Variants in ATG2A observed in about 807,000 individuals in gnomAD.
The protein encoded by ATG2A is autophagy related 2A.
ATG2A carries 103 observed loss-of-function variants against 214.2 expected under a neutral mutation model. That is an observed-to-expected ratio of 0.48 (90% confidence interval 0.41 to 0.57). The LOEUF is 0.57. Among genes scored for constraint, ATG2A ranks in the 20% least tolerant of loss-of-function variants. The pLI, the probability that ATG2A is intolerant of heterozygous loss-of-function variation, is 0.00. For synonymous variants in ATG2A, 1,160 were observed against 1,142.1 expected (o/e 1.02, Z -0.32); for missense variants, 2,312 against 2,613.2 (o/e 0.88, Z 2.51).
rs375562497 is a variant in ATG2A, at chr11:64,910,648, G to A, written c.1675C>T (p.Arg559Cys). Reference sequence around the variant, plus strand: ...ACACGGCGCAGGATCTGTGTGTGGCGCAGATGGGCGCAGGGCCGAGCTGAG... The same window carrying A: ...ACACGGCGCAGGATCTGTGTGTGGCACAGATGGGCGCAGGGCCGAGCTGAG... ...QASARPCAHL[R>C]HTQILRRVPK... The change falls in exon 12 of 41, where the codon CGC (arginine) becomes TGC (cysteine). Residue 559 changes from arginine (R) to cysteine (C), a missense_variant. Arg to Cys is a radical substitution (Grantham distance 180). Coordinates refer to ENST00000377264, the MANE Select transcript of ATG2A (RefSeq NM_015104.3). 26 of 1,607,906 alleles carry A rather than the reference G, an allele frequency of 1.6e-5. No homozygotes were observed. Among genetic ancestry groups the A allele is most frequent in the Non-Finnish European group, 1.9e-5 (22 of 1,177,590 alleles).
At chr11:64,904,929 C>T (rs912498326) in intron 24 of ATG2A, among the ~76,000 whole-genome samples, 2 of 152,210 alleles carry the variant, frequency 1.3e-5, no homozygotes, top group Admixed American at 6.5e-5. Context: ...AATCTTCGCT[C>T]ACCGTAACCT....
rs779988127 is a variant in ATG2A, at chr11:64,914,458, G to T, written c.214C>A (p.Leu72Met). 4 of 1,612,834 alleles carry T rather than the reference G, an allele frequency of 2.5e-6. No homozygotes were observed. The African/African-American group carries it at 5.3e-5, about 22-fold the overall frequency. ...ATGGAGCCCACGAAGCCTTCCACCAGCTCCAGCGGTGACTCCATTGACTCC... is the reference window on the plus strand; with the variant it reads ...ATGGAGCCCACGAAGCCTTCCACCATCTCCAGCGGTGACTCCATTGACTCC... ...VLESMESPLE[L>M]VEGFVGSIEV... The change falls in exon 2 of 41, where the codon CTG becomes ATG. Residue 72 changes from leucine (L) to methionine (M), a missense_variant. Coordinates refer to ENST00000377264, the MANE Select transcript of ATG2A (RefSeq NM_015104.3).
rs1446545867 is a variant in ATG2A at position 64,903,472 on chromosome 11, G to A, written c.3536-108C>T. 25 of 1,489,636 alleles carry A rather than the reference G, an allele frequency of 1.7e-5. No homozygotes were observed. Among genetic ancestry groups the A allele is most frequent in the Non-Finnish European group, 2.3e-5 (25 of 1,088,966 alleles). The allele number at this position is 1,489,636 out of a possible 1,614,324, so 92.3% of individuals were successfully genotyped here. On this transcript the variant is annotated intron_variant, in intron 25 of 40. Transcript: ENST00000377264. This position sits in a 1 kb window ranked among gnomAD's most constrained non-coding sequence, Gnocchi z 4.2. ...TCCAGGTGTAGTCCCTGCTGTGCGG[G>A]CTACGTGTGGGAGCTAAGGACCCGG...
chr11:64,902,525 G>A lies in ATG2A; in HGVS notation c.3768C>T (p.Ala1256=), dbSNP rs762023452. The change falls in exon 27 of 41, where the codon GCC becomes GCT. Residue 1256 remains alanine (A), a synonymous_variant. Transcript: ENST00000377264. The part of the protein sequence containing the change: ...PPRPPSPTEI[A]GQKLSESPAS... ...CAGGCCTCACCTGTACCTTCTGGCC[G>A]GCGATCTCCGTGGGGCTGGGGGGCC... 68 of 1,544,252 alleles carry A rather than the reference G, an allele frequency of 4.4e-5. No homozygotes were observed. Among genetic ancestry groups the A allele is most frequent in the Admixed American group, 9.8e-5 (5 of 50,980 alleles).
chr11:64,901,017 G>A lies in ATG2A; in HGVS notation c.4195C>T (p.Pro1399Ser), dbSNP rs1944334544. ...IVVRDGYFSR[P>S]IGSTDLLRAP... Reference sequence around the variant, plus strand: ...CGCAGCAAGTCCGTGCTGCCGATCGGCCGTGAGAAGTAACCGTCCCTCACA... The same window carrying A: ...CGCAGCAAGTCCGTGCTGCCGATCGACCGTGAGAAGTAACCGTCCCTCACA... Residue 1399 changes from proline (P) to serine (S), a missense_variant, in exon 30 of 41, where the codon CCG becomes TCG. By Grantham distance (74) the Pro-to-Ser change is moderately conservative. Transcript: ENST00000377264. 6.3e-7 allele frequency: 1 copy of A among 1,589,958 alleles called. No homozygotes were observed. The highest frequency in any genetic ancestry group is 8.6e-7 in the Non-Finnish European group (1 of 1,168,232).
In ATG2A at chr11:64,913,283, C is replaced by G. The variant is rs754705616; in HGVS notation, c.709G>C (p.Glu237Gln). Residue 237 changes from glutamate to glutamine, a missense_variant, in exon 5 of 41, where the codon GAG becomes CAG. By Grantham distance (29) the Glu-to-Gln change is conservative. Coordinates refer to ENST00000377264, the MANE Select transcript of ATG2A (RefSeq NM_015104.3). This position sits in a 1 kb window ranked among gnomAD's most constrained non-coding sequence, Gnocchi z 4.3. ...LQLAGVRLHY[E>Q]ELPAQEEPPE... ...CCGCTCACCTGTGCCGGGAGCTCCTCGTAGTGCAGGCGGACCCCTGCCAGC... is the reference window on the plus strand; with the variant it reads ...CCGCTCACCTGTGCCGGGAGCTCCTGGTAGTGCAGGCGGACCCCTGCCAGC... 1 of 1,611,096 alleles carries G rather than the reference C, an allele frequency of 6.2e-7. No homozygotes were observed. Among genetic ancestry groups the G allele is most frequent in the African/African-American group, 1.3e-5 (1 of 74,914 alleles).
chr11:64,909,910 C>T lies in ATG2A; in HGVS notation c.1878G>A (p.Pro626=), dbSNP rs370346680. The T allele has an allele frequency of 4.4e-5, 71 of 1,602,528 alleles. No individual in the cohort carries two copies. The highest frequency in any genetic ancestry group is 5.7e-5 in the Non-Finnish European group (67 of 1,175,004). The change falls in exon 14 of 41, where the codon CCG becomes CCA. Residue 626 remains proline (P), a synonymous_variant. Coordinates refer to ENST00000377264, the MANE Select transcript of ATG2A (RefSeq NM_015104.3). ...GAAATACCGTCTGCTGCTCCATCGC[C>T]GGCAGGGGCTCTGTCTGCAGGAGGA... The part of the protein sequence containing the change: ...PPAGLLTEPL[P]AMEQQTVFRL...
Position 64,896,766 on chromosome 11 carries a change from G to A in ATG2A, c.5254C>T (p.His1752Tyr). The A allele has an allele frequency of 6.2e-7, 1 of 1,614,234 alleles. No individual in the cohort carries two copies. The highest frequency in any genetic ancestry group is 8.5e-7 in the Non-Finnish European group (1 of 1,180,046). The change falls in exon 38 of 41, where the codon CAC becomes TAC. Residue 1752 changes from histidine to tyrosine, a missense_variant. Physicochemically the swap from His to Tyr is moderately conservative, Grantham distance 83. Coordinates refer to ENST00000377264, the MANE Select transcript of ATG2A (RefSeq NM_015104.3). ...CACTCACAGAGCTGGACAACCGAGT[G>A]CATGGGGCCCACGCCTCCCAGCAGG... The part of the protein sequence containing the change: ...PGLLGGVGPM[H>Y]SVVQLFQGFR...
At chr11:64,909,578 AG>A (rs2136615679) in intron 14 of ATG2A, 102 bp downstream of exon 14, 2 of 1,544,216 alleles carry the variant, frequency 1.3e-6, no homozygotes, top group East Asian at 4.5e-5. Context: ...GGCCTGGGCC[AG>A]GGACTGCTCG....
In ATG2A at chr11:64,896,525, G is replaced by T. The variant is rs1354613684; in HGVS notation, c.5364C>A (p.Ser1788=). 6.2e-7 allele frequency: 1 copy of T among 1,613,994 alleles called. No individual in the cohort carries two copies. The highest frequency in any genetic ancestry group is 2.2e-5 in the East Asian group (1 of 44,886). ...CGGCAGAGGCTGTGGATGAGCCAAAGGAGGCAGCCCCTCGCTGCAGCCCCC... is the reference window on the plus strand; with the variant it reads ...CGGCAGAGGCTGTGGATGAGCCAAATGAGGCAGCCCCTCGCTGCAGCCCCC... ...LMRGLQRGAA[S]FGSSTASAAL... Residue 1788 remains serine, a synonymous_variant, in exon 39 of 41, where the codon TCC becomes TCA. Transcript: ENST00000377264.
chr11:64,894,650 C>CA lies in ATG2A; in HGVS notation c.*322dup. 1 of 636,712 alleles carries CA rather than the reference C, an allele frequency of 1.6e-6. No individual in the cohort carries two copies. Among genetic ancestry groups the CA allele is most frequent in the South Asian group, 1.5e-5 (1 of 66,210 alleles). The allele number at this position is 636,712 out of a possible 1,614,324, so 39.4% of individuals were successfully genotyped here. A position where few individuals can be genotyped will look rare whatever the true frequency, so the allele number is the denominator to read the frequency against. ...CACGGATATCATCCCCTCCTCCCCC[C>CA]AGACACAGAAAGACACTTGGCTGAG... On this transcript the variant is annotated 3_prime_UTR_variant, in exon 41 of 41. Coordinates refer to ENST00000377264, the MANE Select transcript of ATG2A (RefSeq NM_015104.3).
At chr11:64,909,478 G>A in intron 14 of ATG2A, 111 bp from the exon 15 acceptor site, 2 of 1,398,294 alleles carry the variant, frequency 1.4e-6, no homozygotes, top group South Asian at 1.2e-5. Flanking sequence ...ACACCTTGGT[G>A]GGCAGAGAAA....
rs1247414748 is a variant in ATG2A, at chr11:64,906,116, G to A, written c.3261C>T (p.Ser1087=). 6.3e-7 allele frequency: 1 copy of A among 1,578,386 alleles called. No individual in the cohort carries two copies. The highest frequency in any genetic ancestry group is 8.6e-7 in the Non-Finnish European group (1 of 1,161,828). ...YMALPEQSWH[S]QLLEFLDVLD... ...GCTTCCCACCACCCACGCTCACCTG[G>A]GAATGCCAGCTCTGCTCGGGCAGGG... The change falls in exon 22 of 41, where the codon TCC becomes TCT. Residue 1087 remains serine, a synonymous_variant. Coordinates refer to ENST00000377264, the MANE Select transcript of ATG2A (RefSeq NM_015104.3).
intron 21 of ATG2A, 62 bp downstream of exon 21, chr11:64,906,272 C>A (rs2136592966): frequency 6.2e-7 from 1 of 1,607,106 alleles, no homozygotes; most frequent in Non-Finnish European, 8.5e-7. Flanking sequence ...ACTGGGGTCC[C>A]ACCGCACACC....
chr11:64,898,165 G>A lies in ATG2A; in HGVS notation c.4779C>T (p.Ala1593=), dbSNP rs1157279259. The change falls in exon 34 of 41, where the codon GCC becomes GCT. Residue 1593 remains alanine, a synonymous_variant. Coordinates refer to ENST00000377264, the MANE Select transcript of ATG2A (RefSeq NM_015104.3). The surrounding 1 kb of genome is among the most constrained non-coding windows in gnomAD (Gnocchi z 4.5). The stretch of plus-strand genomic sequence containing the variant: ...TGAAGAAGTCCTTGAGGAAGAAGAG[G>A]GCATCCTGCAAGGGAGAGGTCCAGA... ...MPLRLNVDQD[A]LFFLKDFFTS... is the part of the protein sequence containing the mutation. The A allele has an allele frequency of 5.6e-6, 9 of 1,613,946 alleles. No individual in the cohort carries two copies. The highest frequency in any genetic ancestry group is 4.0e-5 in the African/African-American group (3 of 74,910).
At position 64,894,688 on chromosome 11, in the gene ATG2A, C is replaced by T. The variant is rs773720054; in HGVS notation, c.*285G>A. ...ACACTTGGCTGAGTGGGATGGGGTC[C>T]GAGGGTCCAAAAGCCTCCGTCCTGG... On this transcript the variant is annotated 3_prime_UTR_variant, in exon 41 of 41. Transcript: ENST00000377264. The T allele has an allele frequency of 8.0e-5, 54 of 675,342 alleles. No individual in the cohort carries two copies. Among genetic ancestry groups the T allele is most frequent in the Non-Finnish European group, 1.1e-4 (42 of 367,144 alleles). 41.8% of individuals were successfully genotyped at this position (675,342 alleles called of 1,614,324 possible).
chr11:64,904,582 G>T (rs1169512739), intron 24 of ATG2A, among the ~76,000 whole-genome samples: 3 of 151,744 alleles, frequency 2.0e-5, no homozygotes, highest in African/African-American at 7.3e-5. Flanking sequence ...TATTTTAAGG[G>T]TAACATAATG....
Position 64,912,258 on chromosome 11 carries a change from G to T in ATG2A, c.923-9C>A. 1 of 1,601,706 alleles carries T rather than the reference G, an allele frequency of 6.2e-7. No individual in the cohort carries two copies. The highest frequency in any genetic ancestry group is 8.5e-7 in the Non-Finnish European group (1 of 1,170,116). Reference sequence around the variant, plus strand: ...AGCCAGGCCCTCGTGGTCTGCAGGGGAGGAGACTTCAGTCTGGGCTGGCTG... The same window carrying T: ...AGCCAGGCCCTCGTGGTCTGCAGGGTAGGAGACTTCAGTCTGGGCTGGCTG... On this transcript the variant is annotated splice_polypyrimidine_tract_variant and intron_variant, in intron 7 of 40. Transcript: ENST00000377264.
At position 64,895,081 on chromosome 11, in the gene ATG2A, C is replaced by G; in HGVS notation, c.5709G>C (p.Leu1903=). The change falls in exon 41 of 41, where the codon CTG becomes CTC. Residue 1903 remains leucine, a synonymous_variant. Transcript: ENST00000377264. This position sits in a 1 kb window ranked among gnomAD's most constrained non-coding sequence, Gnocchi z 5.0. ...LPPTVVKPLI[L]ATEATSSLLG... ...GCAGGCTGGACGTGGCCTCCGTGGC[C>G]AGGATGAGCGGCTTCACCACAGTCG... 6.2e-7 allele frequency: 1 copy of G among 1,612,986 alleles called. No individual in the cohort carries two copies.
Sources: allele counts gnomAD v4.1 joint callset (sites outside exome capture counted in the v4.1 genomes callset), GRCh38; gene constraint gnomAD v4.1.1; non-coding constraint Gnocchi (gnomAD v3.1); transcripts MANE v1.5; gene names NCBI Gene and HGNC (gene_info 2026-07-23, HGNC 2026-07-21).